The following SORBS2 variants were observed in gnomAD, a reference collection of about 807,000 sequenced individuals.
SORBS2 encodes the protein sorbin and SH3 domain-containing protein 2.
A neutral mutation model predicts 97.7 loss-of-function variants in SORBS2; 46 were observed. The ratio of observed to expected loss-of-function variants is 0.47; its 90% confidence interval spans 0.37 to 0.60. SORBS2 has a LOEUF of 0.60. SORBS2 is among the 20% of genes least tolerant of loss of function. The pLI is 0.00. For missense variants in SORBS2, 1,316 were observed against 1,282.3 expected, an observed-to-expected ratio of 1.03 and a Z score of -0.40; for synonymous variants, 476 against 473.4, an observed-to-expected ratio of 1.01 and a Z score of -0.07.
intron 1 of SORBS2, among the ~76,000 whole-genome samples, chr4:185,872,660 A>C (rs768268586): frequency 1.1e-4 from 16 of 152,252 alleles, no homozygotes; most frequent in Non-Finnish European, 2.4e-4. Context: ...ACCAGAGCCT[A>C]AAATCAAAAT....
intron 4 of SORBS2, 131 bp downstream of exon 13, chr4:185,646,537 T>A: frequency 1.6e-6 from 1 of 607,608 alleles, no homozygotes; most frequent in East Asian, 2.7e-5. Flanking sequence ...CAAATCATTA[T>A]ACAAAATAAA....
At chr4:185,817,287 A>G (rs943735929) in intron 1 of SORBS2, among the ~76,000 whole-genome samples, 2 of 152,166 alleles carry the variant, frequency 1.3e-5, no homozygotes, top group Non-Finnish European at 2.9e-5. Context: ...ATATAAATAC[A>G]TCTTGCTGTA....
Position 185,914,063 on chromosome 4 carries a change from T to C in SORBS2, c.-338+42133A>G, listed in dbSNP as rs1257874346. ...GAAATTTTGAGTACCAAAACAAGTA[T>C]GTTTTAAAGTACTCACTCTTCAGTC... On this transcript the variant is annotated intron_variant, in intron 1 of 20. Coordinates refer to the SORBS2 transcript ENST00000284776. Among the ~76,000 whole-genome samples the C allele has an allele frequency of 3.3e-5, 5 of 152,156 alleles. No homozygotes were observed. In the South Asian group the frequency reaches 1.0e-3, roughly 32 times the overall value.
At chr4:185,841,587 A>G (rs568707695) in intron 1 of SORBS2, among the ~76,000 whole-genome samples, 1 of 152,294 alleles carries the variant, frequency 6.6e-6, no homozygotes, top group African/African-American at 2.4e-5. Flanking sequence ...AAGGAAACTT[A>G]TTATTTTGCA....
At chr4:185,819,822 G>T (rs1320634745) in intron 1 of SORBS2, among the ~76,000 whole-genome samples, 1 of 152,086 alleles carries the variant, frequency 6.6e-6, no homozygotes, top group Non-Finnish European at 1.5e-5. Flanking sequence ...CCTTATACTG[G>T]TTTCATATCA....
rs968925890 is a variant in SORBS2 at position 185,932,019 on chromosome 4, G to T, written c.-338+24177C>A. ...CTCTCTCTCTATATATATATATATA[G>T]ATAGATATAGATATAGATACAGATA... On this transcript the variant is annotated intron_variant, in intron 1 of 20. Transcript: ENST00000284776. Among the ~76,000 whole-genome samples, 8 of 150,284 alleles carry T rather than the reference G, an allele frequency of 5.3e-5. No individual in the cohort carries two copies. In the East Asian group the frequency reaches 7.8e-4, roughly 15 times the overall value.
At chr4:185,859,267 A>G (rs2099222327) in intron 1 of SORBS2, among the ~76,000 whole-genome samples, 1 of 152,196 alleles carries the variant, frequency 6.6e-6, no homozygotes, top group Non-Finnish European at 1.5e-5. Flanking sequence ...GGGATTCCTT[A>G]GGGTAGAAAA....
At chr4:185,891,174 G>A (rs1411187312) in intron 1 of SORBS2, among the ~76,000 whole-genome samples, 2 of 151,822 alleles carry the variant, frequency 1.3e-5, no homozygotes, top group African/African-American at 4.8e-5. Context: ...TTTTGTGTCA[G>A]TAAACAAAAA....
At chr4:185,676,856 T>G in intron 4 of SORBS2, 1 of 665,760 alleles carries the variant, frequency 1.5e-6, no homozygotes, top group Non-Finnish European at 2.5e-6. Context: ...GGTTTTAAAT[T>G]GGAAAATGGT....
At chr4:185,925,895 T>C (rs2149942892) in intron 1 of SORBS2, among the ~76,000 whole-genome samples, 1 of 152,324 alleles carries the variant, frequency 6.6e-6, no homozygotes, top group African/African-American at 2.4e-5. Context: ...TCACAGAGCA[T>C]AGAAGTCTCC....
At chr4:185,784,964 C>G (rs1395143966) in intron 1 of SORBS2, among the ~76,000 whole-genome samples, 1 of 151,782 alleles carries the variant, frequency 6.6e-6, no homozygotes, top group Non-Finnish European at 1.5e-5. Flanking sequence ...TCTAAAACTA[C>G]AATTTACTGA....
chr4:185,874,858 ATT>A (rs111821985), intron 1 of SORBS2, among the ~76,000 whole-genome samples: 11 of 93,056 alleles, frequency 1.2e-4, no homozygotes, highest in African/African-American at 1.6e-4. Flanking sequence ...CCTTACCCTG[ATT>A]TTTTTTTTTT....
intron 4 of SORBS2, among the ~76,000 whole-genome samples, chr4:185,671,191 C>T (rs1429806693): frequency 6.6e-6 from 1 of 152,160 alleles, no homozygotes; most frequent in Non-Finnish European, 1.5e-5. Context: ...CACCCAAGAG[C>T]TGGGTGACAA....
chr4:185,838,231 TC>T (rs1261915707), intron 1 of SORBS2, among the ~76,000 whole-genome samples: 1 of 152,258 alleles, frequency 6.6e-6, no homozygotes, highest in Non-Finnish European at 1.5e-5. Context: ...CTGCCCAGCT[TC>T]CCGGCTGCAG....
intron 1 of SORBS2, among the ~76,000 whole-genome samples, chr4:185,886,349 A>T (rs1326754029): frequency 6.6e-6 from 1 of 152,010 alleles, no homozygotes; most frequent in Non-Finnish European, 1.5e-5. Context: ...AGGTCAGGAG[A>T]TTGAGGCCAG....
chr4:185,685,659 G>A (rs564445736), intron 2 of SORBS2, among the ~76,000 whole-genome samples: 3 of 152,212 alleles, frequency 2.0e-5, no homozygotes, highest in Admixed American at 2.0e-4. Context: ...AGTCTCCTGA[G>A]TAGCTAGGAC....
chr4:185,598,186 A>G (rs930960285), intron 12 of SORBS2, among the ~76,000 whole-genome samples: 4 of 152,236 alleles, frequency 2.6e-5, no homozygotes, highest in Non-Finnish European at 5.9e-5. Context: ...TTTGAACAAG[A>G]ATTATATTAT....
At position 185,731,881 on chromosome 4, in the gene SORBS2, T is replaced by C. The variant is rs1321671354; in HGVS notation, c.-198+43346A>G. ...CTCTCTCTCTCTATATATATATATA[T>C]ATATATATATATATATATATATATA... On this transcript the variant is annotated intron_variant, in intron 2 of 20. Coordinates refer to the SORBS2 transcript ENST00000284776. 4.5e-4 allele frequency among the ~76,000 whole-genome samples: 23 copies of C among 51,072 alleles called. 1 individual carries two copies. The highest frequency in any genetic ancestry group is 9.7e-4 in the African/African-American group (12 of 12,326). 33.5% of individuals were successfully genotyped at this position (51,072 alleles called of 152,430 possible).
chr4:185,858,800 G>GA (rs1404974553), intron 1 of SORBS2, among the ~76,000 whole-genome samples: 3 of 152,138 alleles, frequency 2.0e-5, no homozygotes, highest in South Asian at 2.1e-4. Flanking sequence ...AAAAGGTATG[G>GA]AAAAAATGTG....
Sources: allele counts gnomAD v4.1 joint callset (sites outside exome capture counted in the v4.1 genomes callset), GRCh38; gene constraint gnomAD v4.1.1; transcripts MANE v1.5; gene names NCBI Gene and HGNC (gene_info 2026-07-23, HGNC 2026-07-21).